Variants in GPM6A observed in about 807,000 individuals in gnomAD.
GPM6A encodes the protein neuronal membrane glycoprotein M6-a.
GPM6A carries 7 observed loss-of-function variants against 32.1 expected under a neutral mutation model. The ratio of observed to expected loss-of-function variants is 0.22; its 90% confidence interval spans 0.12 to 0.41. The LOEUF (loss-of-function observed/expected upper bound fraction) is 0.41, where lower values mean the gene tolerates loss of function less well. Ranked by LOEUF, GPM6A falls within the 10% of genes least tolerant of loss-of-function variation. The pLI is 1.00. For missense variants in GPM6A, 235 were observed against 347.2 expected (o/e 0.68, Z 2.57); for synonymous variants, 130 against 123.4 (o/e 1.05, Z -0.35).
chr4:175,892,307 A>G (rs1465696514), intron 1 of GPM6A, among the ~76,000 whole-genome samples: 1 of 152,090 alleles, frequency 6.6e-6, no homozygotes, highest in African/African-American at 2.4e-5. Context: ...ATCTAGAAAA[A>G]CAATCTGCTA....
At chr4:175,950,101 G>C (rs570358924) in intron 1 of GPM6A, among the ~76,000 whole-genome samples, 6 of 152,190 alleles carry the variant, frequency 3.9e-5, no homozygotes, top group Admixed American at 3.3e-4. Flanking sequence ...AATTCATTTT[G>C]CAATGAATAT....
At chr4:175,780,103 C>A (rs116791749) in intron 1 of GPM6A, among the ~76,000 whole-genome samples, 1 of 150,054 alleles carries the variant, frequency 6.7e-6, no homozygotes, top group Admixed American at 6.6e-5. Flanking sequence ...AGTGAAGTGG[C>A]GTGGCGTGAT....
intron 1 of GPM6A, among the ~76,000 whole-genome samples, chr4:175,989,644 A>G (rs992820979): frequency 1.3e-5 from 2 of 152,208 alleles, no homozygotes; most frequent in African/African-American, 4.8e-5. Flanking sequence ...CTAATTTTTA[A>G]TTTTATAACT....
chr4:175,940,678 G>C lies in GPM6A; in HGVS notation c.-23+61631C>G, dbSNP rs569092685. 4.6e-5 allele frequency among the ~76,000 whole-genome samples: 7 copies of C among 151,662 alleles called. No homozygotes were observed. In the South Asian group the frequency reaches 1.5e-3, roughly 32 times the overall value. Reference sequence around the variant, plus strand: ...CTGGAGAGTGCAGTGGTGCGATCTCGGCTCACTGCAACCTCCGCCTCCTAG... The same window carrying C: ...CTGGAGAGTGCAGTGGTGCGATCTCCGCTCACTGCAACCTCCGCCTCCTAG... On this transcript the variant is annotated intron_variant, in intron 1 of 7. Transcript: ENST00000280187.
At chr4:175,646,957 A>C (rs926717058) in intron 4 of GPM6A, among the ~76,000 whole-genome samples, 2 of 152,160 alleles carry the variant, frequency 1.3e-5, no homozygotes, top group African/African-American at 4.8e-5. Context: ...GTGCCTGAAA[A>C]AGCCTTCCTT....
intron 1 of GPM6A, among the ~76,000 whole-genome samples, chr4:175,821,932 G>A (rs1579540622): frequency 6.6e-6 from 1 of 151,966 alleles, no homozygotes; most frequent in African/African-American, 2.4e-5. Context: ...TATTTCCTCT[G>A]TTTTACTGTG....
intron 1 of GPM6A, among the ~76,000 whole-genome samples, chr4:175,871,135 CA>C (rs1736892561): frequency 1.3e-5 from 2 of 151,874 alleles, no homozygotes; most frequent in Admixed American, 1.3e-4. Flanking sequence ...TTACCTTGAG[CA>C]AACAGTTCGA....
intron 1 of GPM6A, among the ~76,000 whole-genome samples, chr4:175,766,815 C>G (rs544827018): frequency 2.6e-5 from 4 of 151,984 alleles, no homozygotes; most frequent in African/African-American, 9.6e-5. Context: ...CCACCATGCC[C>G]GGCTAATTTT....
At position 175,847,485 on chromosome 4, in the gene GPM6A, G is replaced by A. The variant is rs147335604; in HGVS notation, c.-22-35236C>T. On this transcript the variant is annotated intron_variant, in intron 1 of 7. Coordinates refer to the GPM6A transcript ENST00000280187. ...CCCCTTTGATCAGCCTCTCCATGCT[G>A]TGGATGCTGCCCACCACTCAGTCAC... Among the ~76,000 whole-genome samples the A allele has an allele frequency of 6.7e-3, 1,020 of 152,204 alleles. 8 individuals carry two copies. Among genetic ancestry groups the A allele is most frequent in the African/African-American group, 0.022 (932 of 41,526 alleles).
chr4:175,855,302 T>C (rs1736383712), intron 1 of GPM6A, among the ~76,000 whole-genome samples: 1 of 152,164 alleles, frequency 6.6e-6, no homozygotes, highest in Non-Finnish European at 1.5e-5. Flanking sequence ...ACAACTATAG[T>C]CCAAATGTTC....
chr4:175,726,554 G>T (rs975810756), intron 1 of GPM6A, among the ~76,000 whole-genome samples: 2 of 152,072 alleles, frequency 1.3e-5, no homozygotes, highest in East Asian at 3.9e-4. Context: ...TGGAAACTAT[G>T]CTGAAGCTTT....
chr4:175,962,261 C>T, intron 1 of GPM6A: 1 of 1,347,298 alleles, frequency 7.4e-7, no homozygotes, highest in Admixed American at 1.7e-5. Flanking sequence ...TCATTGAAAA[C>T]TCAAATGCCT....
chr4:176,002,369 C>T, upstream of GPM6A: 2 of 1,565,406 alleles, frequency 1.3e-6, no homozygotes, highest in Non-Finnish European at 8.7e-7. Flanking sequence ...CCAGACGCTG[C>T]GCGGGGCCAA....
chr4:175,666,476 G>A (rs1268971625), intron 3 of GPM6A, among the ~76,000 whole-genome samples: 1 of 152,100 alleles, frequency 6.6e-6, no homozygotes, highest in East Asian at 1.9e-4. Context: ...TAGCTCTTGA[G>A]TTTTTTCTGA....
chr4:175,852,779 G>A (rs1736298744), intron 1 of GPM6A, among the ~76,000 whole-genome samples: 1 of 152,002 alleles, frequency 6.6e-6, no homozygotes, highest in Non-Finnish European at 1.5e-5. Flanking sequence ...TGCTGTCAGG[G>A]AAACAGGAAG....
At chr4:175,848,404 G>C (rs1252668374) in intron 1 of GPM6A, among the ~76,000 whole-genome samples, 1 of 152,088 alleles carries the variant, frequency 6.6e-6, no homozygotes, top group African/African-American at 2.4e-5. Flanking sequence ...GGAGGCCCTA[G>C]AGTTTCCTTT....
chr4:175,811,200 T>G (rs902554960), intron 1 of GPM6A, among the ~76,000 whole-genome samples: 4 of 152,256 alleles, frequency 2.6e-5, no homozygotes, highest in African/African-American at 9.6e-5. Context: ...AAAATACAGT[T>G]TTTTACGATA....
At position 175,849,649 on chromosome 4, in the gene GPM6A, T is replaced by C. The variant is rs748330785; in HGVS notation, c.-22-37400A>G. The stretch of plus-strand genomic sequence containing the variant: ...ATAATCATTTCTTCATAATTGCCTT[T>C]ATTTTTAATATTTGCCAATCTTATA... On this transcript the variant is annotated intron_variant, in intron 1 of 7. Coordinates refer to the GPM6A transcript ENST00000280187. Among the ~76,000 whole-genome samples the C allele has an allele frequency of 4.6e-5, 7 of 152,376 alleles. No individual in the cohort carries two copies. In the South Asian group the frequency reaches 1.4e-3, roughly 32 times the overall value.
intron 1 of GPM6A, among the ~76,000 whole-genome samples, chr4:175,805,138 A>C (rs189794324): frequency 1.3e-5 from 2 of 148,684 alleles, no homozygotes; most frequent in Admixed American, 6.7e-5. Context: ...TTTTTTTTTC[A>C]AAAAAAAAAG....
Sources: allele counts gnomAD v4.1 joint callset (sites outside exome capture counted in the v4.1 genomes callset), GRCh38; gene constraint gnomAD v4.1.1; transcripts MANE v1.5; gene names NCBI Gene and HGNC (gene_info 2026-07-23, HGNC 2026-07-21).